The following LARGE1 variants were observed in gnomAD, a reference collection of about 807,000 sequenced individuals.
LARGE1 encodes xylosyl- and glucuronyltransferase LARGE1.
In LARGE1, 43 loss-of-function variants were observed where a neutral mutation model predicts 87.6. The ratio of observed to expected loss-of-function variants is 0.49; its 90% CI spans 0.38 to 0.63. LARGE1 has a LOEUF of 0.63. LARGE1 is among the 30% of genes least tolerant of loss of function. The pLI is 0.00. For synonymous variants in LARGE1, 434 were observed against 394.6 expected (o/e 1.10, Z -1.18); for missense variants, 802 against 1,000.2 (o/e 0.80, Z 2.67).
the LARGE1 span, among the ~76,000 whole-genome samples, chr22:33,130,951 G>A: frequency 2.1e-5 from 3 of 145,822 alleles, no homozygotes; most frequent in African/African-American, 7.5e-5. Context: ...GGAGAATGGC[G>A]TGAACCCGGG....
chr22:33,702,437 TAGAAA>T (rs1437874476), intron 2 of LARGE1, among the ~76,000 whole-genome samples: 14 of 152,224 alleles, frequency 9.2e-5, no homozygotes, highest in Admixed American at 3.3e-4. Context: ...TGCCGAGAAA[TAGAAA>T]AGAAAAGCAA....
chr22:33,696,296 T>C (rs1196263190), intron 2 of LARGE1, among the ~76,000 whole-genome samples: 1 of 148,318 alleles, frequency 6.7e-6, no homozygotes, highest in Admixed American at 6.8e-5. Context: ...AGAGTCTCAC[T>C]CTGTTGCCCA....
intron 6 of LARGE1, among the ~76,000 whole-genome samples, chr22:33,477,821 G>A (rs1269005921): frequency 6.6e-6 from 1 of 152,192 alleles, no homozygotes; most frequent in Non-Finnish European, 1.5e-5. Flanking sequence ...TTTCATTGCA[G>A]TAAAAATAGC....
At chr22:33,136,331 T>C in the LARGE1 span, among the ~76,000 whole-genome samples, 1,504 of 152,284 alleles carry the variant, frequency 9.9e-3, 33 homozygotes, top group Admixed American at 0.05. Context: ...ACATCTTACA[T>C]GGCAGCAGAC....
intron 11 of LARGE1, among the ~76,000 whole-genome samples, chr22:33,256,594 C>T (rs1041511039): frequency 3.3e-5 from 5 of 152,154 alleles, no homozygotes; most frequent in African/African-American, 1.2e-4. Context: ...CAATGCCAGA[C>T]TTCCATTCCC....
downstream of LARGE1, among the ~76,000 whole-genome samples, chr22:33,267,889 G>A (rs56784849): frequency 0.03 from 4,607 of 151,488 alleles, 400 homozygotes; most frequent in African/African-American, 0.11. Context: ...CTTTGGGGAG[G>A]GTGAAGATTC....
intron 1 of LARGE1, chr22:33,873,393 G>A (rs1395922357): frequency 1.3e-5 from 2 of 152,276 alleles, no homozygotes; most frequent in African/African-American, 4.8e-5. Context: ...TATTTGTCTA[G>A]TCTGTTCTGA....
chr22:33,664,345 G>A (rs999350729), intron 2 of LARGE1, among the ~76,000 whole-genome samples: 9 of 152,130 alleles, frequency 5.9e-5, no homozygotes, highest in Non-Finnish European at 1.2e-4. Flanking sequence ...AAAAATCTAG[G>A]ACTCACTCCT....
At chr22:33,702,635 A>C (rs985253498) in intron 2 of LARGE1, among the ~76,000 whole-genome samples, 9 of 152,182 alleles carry the variant, frequency 5.9e-5, no homozygotes, top group Admixed American at 1.3e-4. Context: ...GGCTACGTGG[A>C]AATCAGGACA....
At chr22:33,445,114 G>T (rs113924026) in intron 6 of LARGE1, among the ~76,000 whole-genome samples, 20 of 152,176 alleles carry the variant, frequency 1.3e-4, no homozygotes, top group African/African-American at 4.6e-4. Flanking sequence ...ACAGGTGTGA[G>T]CCGCTGTGCC....
At chr22:33,460,457 C>A (rs2148006178) in intron 6 of LARGE1, among the ~76,000 whole-genome samples, 1 of 152,238 alleles carries the variant, frequency 6.6e-6, no homozygotes, top group African/African-American at 2.4e-5. Flanking sequence ...AAACAAAACT[C>A]TGGCATAAAA....
intron 6 of LARGE1, among the ~76,000 whole-genome samples, chr22:33,543,265 G>C (rs2077263508): frequency 6.6e-6 from 1 of 151,768 alleles, no homozygotes; most frequent in South Asian, 2.1e-4. Flanking sequence ...TACTTAATAA[G>C]AGCGGTGGCC....
At chr22:33,681,979 A>G (rs1030832287) in intron 2 of LARGE1, among the ~76,000 whole-genome samples, 3 of 152,156 alleles carry the variant, frequency 2.0e-5, no homozygotes, top group Admixed American at 6.5e-5. Flanking sequence ...TAAATGATGC[A>G]CTTCTACCAT....
At chr22:33,388,124 T>C (rs1463688488) in intron 7 of LARGE1, among the ~76,000 whole-genome samples, 1 of 152,264 alleles carries the variant, frequency 6.6e-6, no homozygotes, top group Non-Finnish European at 1.5e-5. Context: ...AAGATTTAAC[T>C]ATGTTAGTAT....
intron 9 of LARGE1, among the ~76,000 whole-genome samples, chr22:33,345,335 T>C (rs1939631273): frequency 2.0e-5 from 3 of 152,104 alleles, no homozygotes; most frequent in African/African-American, 7.2e-5. Flanking sequence ...GTCCCTTATT[T>C]CTCCCATATC....
At chr22:33,572,379 C>T in intron 5 of LARGE1, 2 of 300,956 alleles carry the variant, frequency 6.6e-6, no homozygotes, top group South Asian at 3.1e-5. Context: ...GGAAGAAGAT[C>T]GTGAAATGAG....
intron 11 of LARGE1, among the ~76,000 whole-genome samples, chr22:33,306,148 A>G (rs1425015962): frequency 1.3e-5 from 2 of 152,100 alleles, no homozygotes; most frequent in Non-Finnish European, 2.9e-5. Context: ...CTGGCCGACC[A>G]GAGCCATTTC....
At chr22:33,324,701 A>G (rs1937087760) in intron 10 of LARGE1, among the ~76,000 whole-genome samples, 1 of 152,234 alleles carries the variant, frequency 6.6e-6, no homozygotes, top group Non-Finnish European at 1.5e-5. Context: ...CAGAGGGAGT[A>G]CAAGTGCATC....
At chr22:33,681,849 G>A (rs906165385) in intron 2 of LARGE1, among the ~76,000 whole-genome samples, 6 of 152,176 alleles carry the variant, frequency 3.9e-5, no homozygotes, top group Non-Finnish European at 8.8e-5. Context: ...ATCTTTTAGC[G>A]GAGCCCAATG....
Sources: allele counts gnomAD v4.1 joint callset (sites outside exome capture counted in the v4.1 genomes callset), GRCh38; gene constraint gnomAD v4.1.1; transcripts MANE v1.5; gene names NCBI Gene and HGNC (gene_info 2026-07-23, HGNC 2026-07-21).